LTBP2: variants seen among roughly 807,000 people sequenced by gnomAD.
The protein encoded by LTBP2 is latent-transforming growth factor beta-binding protein 2.
A neutral mutation model predicts 210.6 loss-of-function variants in LTBP2; 103 were observed. The observed-to-expected ratio is 0.49, with a 90% CI of 0.42 to 0.58. The LOEUF (loss-of-function observed/expected upper bound fraction) is 0.58, where lower values mean the gene tolerates loss of function less well. Ranked by LOEUF, LTBP2 falls within the 20% of genes least tolerant of loss-of-function variation. The pLI, the probability that LTBP2 is intolerant of heterozygous loss-of-function variation, is 0.00. For missense variants in LTBP2, 2,313 were observed against 2,494.5 expected (o/e 0.93, Z 1.55); for synonymous variants, 1,007 against 1,015.0 (o/e 0.99, Z 0.15).
At chr14:74,595,664 G>C (rs1440724806) in intron 2 of LTBP2, among the ~76,000 whole-genome samples, 1 of 152,184 alleles carries the variant, frequency 6.6e-6, no homozygotes, top group Admixed American at 6.5e-5. Flanking sequence ...TGACAAATCA[G>C]AGAGGCCAGG....
chr14:74,516,762 G>A (rs1048614587), intron 18 of LTBP2, 60 bp downstream of exon 18: 9 of 1,540,460 alleles, frequency 5.8e-6, no homozygotes, highest in East Asian at 2.5e-5. Flanking sequence ...TGGGCAGTGC[G>A]TAGGGAGGGA....
intron 2 of LTBP2, among the ~76,000 whole-genome samples, chr14:74,598,885 G>A (rs559849842): frequency 2.0e-5 from 3 of 152,268 alleles, no homozygotes; most frequent in African/African-American, 4.8e-5. Flanking sequence ...CTAAGCCCTC[G>A]CACTCTGGAA....
intron 1 of LTBP2, among the ~76,000 whole-genome samples, chr14:74,605,246 T>C (rs965835158): frequency 1.3e-5 from 2 of 152,190 alleles, no homozygotes; most frequent in Admixed American, 6.5e-5. Context: ...GTTTTTGGAG[T>C]CTTACGAAGA....
chr14:74,509,121 G>A lies in LTBP2; in HGVS notation c.3403+117C>T, dbSNP rs559315789. On this transcript the variant is annotated intron_variant, in intron 22 of 35. Coordinates refer to ENST00000261978, the MANE Select transcript of LTBP2 (RefSeq NM_000428.3). ...GGGACAAGCTTGTGAGCGACTCTTG[G>A]GGAGCGGGATGATGGCAGCTCCTCC... The A allele has an allele frequency of 1.3e-3, 2,063 of 1,579,352 alleles. 44 individuals are homozygous for A. The South Asian group carries it at 0.022, about 17-fold the overall frequency.
At chr14:74,540,784 T>TTGTATATA in intron 8 of LTBP2, among the ~76,000 whole-genome samples, 1 of 18,238 alleles carries the variant, frequency 5.5e-5, no homozygotes, top group Non-Finnish European at 6.6e-4. Flanking sequence ...ATATATATAT[T>TTGTATATA]ATATATATAT....
intron 8 of LTBP2, among the ~76,000 whole-genome samples, chr14:74,542,833 C>T (rs1471679655): frequency 6.7e-6 from 1 of 149,960 alleles, no homozygotes; most frequent in Non-Finnish European, 1.5e-5. Context: ...GTGGCGCGAT[C>T]TCAGCTCACT....
At chr14:74,514,025 G>A (rs1432136275) in intron 18 of LTBP2, among the ~76,000 whole-genome samples, 4 of 152,182 alleles carry the variant, frequency 2.6e-5, no homozygotes, top group Non-Finnish European at 2.9e-5. Flanking sequence ...TCTCCTTGGT[G>A]GAAGTGAATA....
rs777998110 is a variant in LTBP2 at position 74,509,326 on chromosome 14, G to A, written c.3315C>T (p.Ser1105=). Residue 1105 remains serine, a synonymous_variant, in exon 22 of 36, where the codon TCC becomes TCT. Transcript: ENST00000261978. ...AGCCAGCCGTGTTGGTGCAGACTCC[G>A]GAGGGGCAGACTCCCGGGAAGGCAC... ...DECAFPGVCP[S]GVCTNTAGSF... is the part of the protein sequence containing the mutation. 33 of 1,613,324 alleles carry A rather than the reference G, an allele frequency of 2.0e-5. No individual in the cohort carries two copies. The highest frequency in any genetic ancestry group is 6.6e-5 in the South Asian group (6 of 91,060).
At chr14:74,525,836 CAA>C (rs2087264959) in intron 14 of LTBP2, among the ~76,000 whole-genome samples, 1 of 152,176 alleles carries the variant, frequency 6.6e-6, no homozygotes, top group South Asian at 2.1e-4. Flanking sequence ...ATGAAATTTG[CAA>C]AGAGTTCTGT....
At chr14:74,512,680 C>G (rs2087087238) in intron 18 of LTBP2, among the ~76,000 whole-genome samples, 1 of 152,240 alleles carries the variant, frequency 6.6e-6, no homozygotes, top group East Asian at 1.9e-4. Flanking sequence ...GACATCGCCA[C>G]AGGGCAGGTG....
chr14:74,533,633 C>T (rs529856211), intron 9 of LTBP2, among the ~76,000 whole-genome samples: 1 of 152,318 alleles, frequency 6.6e-6, no homozygotes, highest in African/African-American at 2.4e-5. Context: ...GTCAGAAGGG[C>T]ACATCTTCGG....
chr14:74,576,857 A>G (rs1179479083), intron 3 of LTBP2, among the ~76,000 whole-genome samples: 1 of 152,210 alleles, frequency 6.6e-6, no homozygotes, highest in Non-Finnish European at 1.5e-5. Flanking sequence ...GTGTCAGGAC[A>G]GCTAAAAAGT....
intron 2 of LTBP2, among the ~76,000 whole-genome samples, chr14:74,602,500 G>A (rs957646400): frequency 1.3e-5 from 2 of 152,156 alleles, no homozygotes; most frequent in African/African-American, 4.8e-5. Flanking sequence ...TTAAGAAGAG[G>A]GACCCTGGTG....
intron 1 of LTBP2, among the ~76,000 whole-genome samples, chr14:74,605,049 C>A (rs2088505352): frequency 6.6e-6 from 1 of 152,166 alleles, no homozygotes; most frequent in African/African-American, 2.4e-5. Context: ...TGGCTTCCAT[C>A]CTTATCATTG....
At position 74,505,016 on chromosome 14, in the gene LTBP2, C is replaced by T. The variant is rs1595238749; in HGVS notation, c.4336G>A (p.Asp1446Asn). 1 of 1,614,212 alleles carries T rather than the reference C, an allele frequency of 6.2e-7. No individual in the cohort carries two copies. Among genetic ancestry groups the T allele is most frequent in the Non-Finnish European group, 8.5e-7 (1 of 1,180,032 alleles). ...TCAGACGGGCAGAGGTCACAGGCAT[C>T]TCCCCAGCTAGCGCCCTGGGTGCAG... ...CCCTQGASWG[D>N]ACDLCPSEDS... Residue 1446 changes from aspartate to asparagine, a missense_variant, in exon 29 of 36, where the codon GAT becomes AAT. This residue lies in a region of LTBP2 where 1,867 missense variants were observed against 1,976.9 expected (regional missense o/e 0.94). Coordinates refer to ENST00000261978, the MANE Select transcript of LTBP2 (RefSeq NM_000428.3).
At chr14:74,552,427 G>A (rs761645332) in intron 5 of LTBP2, 34 bp from the exon 6 acceptor site, 1 of 1,587,714 alleles carries the variant, frequency 6.3e-7, no homozygotes, top group Admixed American at 1.7e-5. Context: ...ACCAGCGGTG[G>A]AAGAACAGCA....
chr14:74,589,334 G>A (rs1265496902), intron 2 of LTBP2, among the ~76,000 whole-genome samples: 3 of 152,082 alleles, frequency 2.0e-5, no homozygotes, highest in Non-Finnish European at 4.4e-5. Flanking sequence ...GTCAGGGAAG[G>A]CTTCTTGGAG....
intron 21 of LTBP2, 50 bp from the exon 22 acceptor site, chr14:74,509,413 C>T: frequency 1.2e-6 from 2 of 1,611,298 alleles, no homozygotes; most frequent in Non-Finnish European, 8.5e-7. Context: ...TCCCACTCCC[C>T]AGGCAATGCA....
chr14:74,537,397 G>A (rs894011827), intron 8 of LTBP2, among the ~76,000 whole-genome samples: 3 of 152,214 alleles, frequency 2.0e-5, no homozygotes, highest in Admixed American at 1.3e-4. Flanking sequence ...GCAATTCTAA[G>A]CAGGCACGAG....
Sources: allele counts gnomAD v4.1 joint callset (sites outside exome capture counted in the v4.1 genomes callset), GRCh38; gene constraint gnomAD v4.1.1; regional missense constraint gnomAD v4.1.1; transcripts MANE v1.5; gene names NCBI Gene and HGNC (gene_info 2026-07-23, HGNC 2026-07-21).